APAF1: variants seen among roughly 807,000 people sequenced by gnomAD.
APAF1 encodes apoptotic peptidase activating factor 1.
A neutral mutation model predicts 152.4 loss-of-function variants in APAF1; 91 were observed. That is an observed-to-expected ratio of 0.60 (90% CI 0.50 to 0.71). The LOEUF (loss-of-function observed/expected upper bound fraction) is 0.71. Ranked by LOEUF, APAF1 falls within the 30% of genes least tolerant of loss-of-function variation. The pLI is 0.00. For missense variants in APAF1, 1,283 were observed against 1,472.0 expected (o/e 0.87, Z 2.10); for synonymous variants, 484 against 494.1 (o/e 0.98, Z 0.27).
intron 20 of APAF1, among the ~76,000 whole-genome samples, chr12:98,711,828 C>G (rs1247916134): frequency 1.3e-5 from 2 of 151,204 alleles, no homozygotes; most frequent in Non-Finnish European, 3.0e-5. Context: ...TGCCCCAGCT[C>G]CAAGAAAAAG....
rs772012005 is a variant in APAF1, at chr12:98,659,351, T to C, written c.710+8T>C. ...GCTTCGCAAACACCCAAGGTACCGA[T>C]GGTCAAATTTAGTTGGTGTGTCAGG... On this transcript the variant is annotated splice_region_variant and intron_variant, in intron 5 of 26. Coordinates refer to ENST00000551964, the MANE Select transcript of APAF1 (RefSeq NM_181861.2). 3 of 1,614,104 alleles carry C rather than the reference T, an allele frequency of 1.9e-6. No homozygotes were observed. The highest frequency in any genetic ancestry group is 1.3e-5 in the African/African-American group (1 of 75,042).
chr12:98,670,897 G>A, intron 10 of APAF1, 76 bp from the exon 11 acceptor site: 1 of 808,782 alleles, frequency 1.2e-6, no homozygotes, highest in South Asian at 1.4e-5. Flanking sequence ...TCTTAGCAGT[G>A]TGAGGTTAAT....
rs920892518 is a variant in APAF1 at position 98,647,064 on chromosome 12, CTT to C, written c.-42+1230_-42+1231del. ...CAATGTAATCACTATTTTATACAAT[CTT>C]AATTAAAAAAGGAAGTATTTTATTG... On this transcript the variant is annotated intron_variant, in intron 1 of 26. Coordinates refer to ENST00000551964, the MANE Select transcript of APAF1 (RefSeq NM_181861.2). Among the ~76,000 whole-genome samples, 21 of 152,090 alleles carry C rather than the reference CTT, an allele frequency of 1.4e-4. No individual in the cohort carries two copies. In the South Asian group the frequency reaches 1.9e-3, roughly 14 times the overall value.
rs542503189 is a variant in APAF1, at chr12:98,703,628, C to G, written c.2595+129C>G. The G allele has an allele frequency of 2.0e-5, 23 of 1,133,736 alleles. No individual in the cohort carries two copies. The South Asian group carries it at 2.2e-4, about 11-fold the overall frequency. 70.2% of individuals were successfully genotyped at this position (1,133,736 alleles called of 1,614,324 possible). A position where few individuals can be genotyped will look rare whatever the true frequency, so the allele number is the denominator to read the frequency against. On this transcript the variant is annotated intron_variant, in intron 18 of 26. Coordinates refer to ENST00000551964, the MANE Select transcript of APAF1 (RefSeq NM_181861.2). ...AAATTATAGAGTATTTTCTTTATAG[C>G]CTAATGACCTCTAACTTTGGGATAT...
rs771239250 is a variant in APAF1 at position 98,723,212 on chromosome 12, A to T, written c.3104A>T (p.Asp1035Val). 6.2e-7 allele frequency: 1 copy of T among 1,613,664 alleles called. No individual in the cohort carries two copies. The highest frequency in any genetic ancestry group is 2.2e-5 in the East Asian group (1 of 44,824). The change falls in exon 23 of 27, where the codon GAC becomes GTC. Residue 1035 changes from aspartate to valine, a missense_variant. Asp to Val is a radical substitution (Grantham distance 152). Transcript: ENST00000551964. Reference protein sequence around the residue: ...AEIQVWNWQLDKCIFLRGHQE... With the variant: ...AEIQVWNWQLVKCIFLRGHQE... ...ATTCAGGTATGGAATTGGCAATTGG[A>T]CAAATGTATCTTTCTACGAGGCCAT... is the stretch of plus-strand genomic sequence containing the variant.
Position 98,680,356 on chromosome 12 carries a change from C to T in APAF1, c.2000C>T (p.Thr667Ile). The change falls in exon 14 of 27, where the codon ACA becomes ATA. Residue 667 changes from threonine (T) to isoleucine (I), a missense_variant. Transcript: ENST00000551964. ...EDEVLCCAFS[T>I]DDRFIATCSV... ...GAAGTGCTTTGTTGTGCATTCTCTA[C>T]AGATGACAGATTTATAGCAACCTGC... 2 of 1,613,690 alleles carry T rather than the reference C, an allele frequency of 1.2e-6. No individual in the cohort carries two copies. Among genetic ancestry groups the T allele is most frequent in the Non-Finnish European group, 1.7e-6 (2 of 1,179,870 alleles).
At chr12:98,659,466 T>C (rs2097661987) in intron 5 of APAF1, 123 bp downstream of exon 5, 5 of 1,109,036 alleles carry the variant, frequency 4.5e-6, no homozygotes, top group Non-Finnish European at 6.8e-6. Context: ...GAGAGAACCA[T>C]TGCGGCCAGG....
At chr12:98,650,720 T>C (rs547474441) in intron 4 of APAF1, among the ~76,000 whole-genome samples, 2 of 152,240 alleles carry the variant, frequency 1.3e-5, no homozygotes, top group East Asian at 3.9e-4. Context: ...CCTTGGTTTT[T>C]CCCCTCTATC....
intron 1 of APAF1, 70 bp from the exon 2 acceptor site, chr12:98,648,249 T>G: frequency 7.3e-7 from 1 of 1,367,566 alleles, no homozygotes; most frequent in Non-Finnish European, 1.0e-6. Context: ...CGTTTCTTGT[T>G]TATTAGTGAG....
intron 17 of APAF1, among the ~76,000 whole-genome samples, chr12:98,700,903 GTTCA>G (rs1378675630): frequency 2.0e-5 from 3 of 151,858 alleles, no homozygotes; most frequent in Non-Finnish European, 2.9e-5. Flanking sequence ...TGTTTTCAAG[GTTCA>G]TTCATGTTGT....
intron 18 of APAF1, 136 bp downstream of exon 18, chr12:98,703,635 AC>A: frequency 9.2e-7 from 1 of 1,086,110 alleles, no homozygotes; most frequent in South Asian, 1.4e-5. Context: ...TAGCCTAATG[AC>A]CTCTAACTTT....
Position 98,666,301 on chromosome 12 carries a change from T to A in APAF1, c.1306T>A (p.Tyr436Asn). 6.2e-7 allele frequency: 1 copy of A among 1,613,882 alleles called. No individual in the cohort carries two copies. The highest frequency in any genetic ancestry group is 8.5e-7 in the Non-Finnish European group (1 of 1,179,928). ...TCGGAATGGAAAGTCGTTTCGTTAT[T>A]ATTTACATGATCTTCAAGTAGATTT... Reference protein sequence around the residue: ...CDRNGKSFRYYLHDLQVDFLT... With the variant: ...CDRNGKSFRYNLHDLQVDFLT... Residue 436 changes from tyrosine (Y) to asparagine (N), a missense_variant, in exon 9 of 27, where the codon TAT becomes AAT. Coordinates refer to ENST00000551964, the MANE Select transcript of APAF1 (RefSeq NM_181861.2).
chr12:98,712,825 CT>C (rs143050298), intron 21 of APAF1: 1,002 of 197,328 alleles, frequency 5.1e-3, no homozygotes, highest in Middle Eastern at 0.011. Flanking sequence ...TATTGTATAC[CT>C]TTTTTTTTTG....
chr12:98,704,340 C>T (rs1173394970), intron 18 of APAF1, among the ~76,000 whole-genome samples: 2 of 152,192 alleles, frequency 1.3e-5, no homozygotes, highest in African/African-American at 4.8e-5. Context: ...TAGTTTGAAA[C>T]CCCTTCAGAT....
chr12:98,646,388 A>C (rs1015456332), intron 1 of APAF1, among the ~76,000 whole-genome samples: 11 of 152,240 alleles, frequency 7.2e-5, no homozygotes, highest in African/African-American at 2.7e-4. Context: ...GCATTTTGTA[A>C]GCCTTGACAA....
At chr12:98,703,543 T>A (rs748366980) in intron 18 of APAF1, 44 bp downstream of exon 18, 1 of 1,612,970 alleles carries the variant, frequency 6.2e-7, no homozygotes, top group Non-Finnish European at 8.5e-7. Flanking sequence ...TTTCCAGAGA[T>A]CAAAGGATGA....
Position 98,727,294 on chromosome 12 carries a change from T to C in APAF1, c.3578T>C (p.Ile1193Thr), listed in dbSNP as rs1264214781. 6.2e-7 allele frequency: 1 copy of C among 1,614,148 alleles called. No individual in the cohort carries two copies. Among genetic ancestry groups the C allele is most frequent in the South Asian group, 1.1e-5 (1 of 91,084 alleles). Residue 1193 changes from isoleucine to threonine, a missense_variant, in exon 26 of 27, where the codon ATC becomes ACC. By Grantham distance (89) the Ile-to-Thr change is moderately conservative. Coordinates refer to ENST00000551964, the MANE Select transcript of APAF1 (RefSeq NM_181861.2). ...LCFSPDGKMLISAGGYIKWWN... is the reference protein window; with the variant it reads ...LCFSPDGKMLTSAGGYIKWWN... ...TTTTCTCCAGATGGCAAAATGCTTA[T>C]CTCTGCTGGAGGATATATTAAGGTA...
chr12:98,732,535 G>T lies in APAF1; in HGVS notation c.3716G>T (p.Gly1239Val), dbSNP rs1269220874. 1 of 1,567,904 alleles carries T rather than the reference G, an allele frequency of 6.4e-7. No individual in the cohort carries two copies. The highest frequency in any genetic ancestry group is 2.2e-5 in the East Asian group (1 of 44,654). Residue 1239 changes from glycine to valine, a missense_variant, in exon 27 of 27, where the codon GGT (glycine) becomes GTT (valine). Gly to Val is a moderately radical substitution (Grantham distance 109). Transcript: ENST00000551964. ...FKTYVTVDNL[G>V]ILYILQTLE is the part of the protein sequence containing the mutation. ...ACATATGTGACTGTGGATAATCTTGGTATTTTATATATTTTACAGACTTTA... is the reference window on the plus strand; with the variant it reads ...ACATATGTGACTGTGGATAATCTTGTTATTTTATATATTTTACAGACTTTA...
At position 98,710,370 on chromosome 12, in the gene APAF1, T is replaced by TAG. The variant is rs534837000; in HGVS notation, c.2841+1666_2841+1667insAG. On this transcript the variant is annotated intron_variant, in intron 20 of 26. Coordinates refer to ENST00000551964, the MANE Select transcript of APAF1 (RefSeq NM_181861.2). The stretch of plus-strand genomic sequence containing the variant: ...GTGATAACATAGTCTTATGCCATCT[T>TAG]TTCGTTTGATTTTTCTTGATTTGCT... Among the ~76,000 whole-genome samples, 243 of 152,210 alleles carry TAG rather than the reference T, an allele frequency of 1.6e-3. 1 individual carries two copies. Among genetic ancestry groups the TAG allele is most frequent in the Non-Finnish European group, 3.0e-3 (201 of 68,014 alleles).
Sources: gnomAD v4.1 joint callset for allele counts (sites outside exome capture counted in the v4.1 genomes callset) on GRCh38, gnomAD v4.1.1 for gene constraint, MANE v1.5 for transcripts, NCBI Gene and HGNC (gene_info 2026-07-23, HGNC 2026-07-21) for gene names.